The following NCOA3 variants were observed in gnomAD, a reference collection of about 807,000 sequenced individuals.
NCOA3 encodes the protein nuclear receptor coactivator 3.
A neutral mutation model predicts 158.8 loss-of-function variants in NCOA3; 51 were observed. The ratio of observed to expected loss-of-function variants is 0.32; its 90% CI spans 0.26 to 0.41. NCOA3 has a LOEUF of 0.41. NCOA3 is among the 10% of genes least tolerant of loss of function. NCOA3 has a pLI of 1.00. For synonymous variants in NCOA3, 537 were observed against 592.4 expected (o/e 0.91, Z 1.36); for missense variants, 1,510 against 1,746.6 (o/e 0.86, Z 2.41).
At chr20:47,611,404 T>C (rs569403180) in intron 2 of NCOA3, among the ~76,000 whole-genome samples, 1 of 152,224 alleles carries the variant, frequency 6.6e-6, no homozygotes, top group Non-Finnish European at 1.5e-5. Flanking sequence ...CAAACTTAGG[T>C]ATAAGTACTA....
At chr20:47,524,618 G>A (rs1279633273) in intron 1 of NCOA3, among the ~76,000 whole-genome samples, 2 of 152,220 alleles carry the variant, frequency 1.3e-5, no homozygotes, top group African/African-American at 4.8e-5. Context: ...GACAAGTGAA[G>A]GGAGAAGACA....
rs2084576611 is a variant in NCOA3 at position 47,533,264 on chromosome 20, G to A, written c.-99+31245G>A. Among the ~76,000 whole-genome samples the A allele has an allele frequency of 1.6e-5, 2 of 127,264 alleles. 1 individual carries two copies. The highest frequency in any genetic ancestry group is 5.1e-4 in the South Asian group (2 of 3,884). The allele number at this position is 127,264 out of a possible 152,430, so 83.5% of individuals were successfully genotyped here. A position where few individuals can be genotyped will look rare whatever the true frequency, so the allele number is the denominator to read the frequency against. On this transcript the variant is annotated intron_variant, in intron 1 of 22. Coordinates refer to ENST00000371998, the MANE Select transcript of NCOA3 (RefSeq NM_181659.3). ...CACACCACTGCATTCCAGTCTAGGT[G>A]ACAGAGCCAGGTTCCGTCTCAAAAA...
intron 18 of NCOA3, 39 bp downstream of exon 18, chr20:47,647,405 T>C: frequency 6.3e-7 from 1 of 1,582,856 alleles, no homozygotes; most frequent in Non-Finnish European, 8.6e-7. Context: ...CTTCTCCTTC[T>C]GTTGTTTTCA....
chr20:47,619,869 C>T (rs1000372150), intron 2 of NCOA3, among the ~76,000 whole-genome samples: 4 of 151,954 alleles, frequency 2.6e-5, no homozygotes, highest in African/African-American at 9.7e-5. Flanking sequence ...GATCTCAGCT[C>T]ACTGCAACCT....
At chr20:47,506,582 G>C (rs1412392617) in intron 1 of NCOA3, among the ~76,000 whole-genome samples, 2 of 152,196 alleles carry the variant, frequency 1.3e-5, no homozygotes, top group Admixed American at 1.3e-4. Context: ...TCAGTTTACA[G>C]TGGGGGGCAG....
chr20:47,634,522 G>A (rs1428667566), intron 10 of NCOA3, among the ~76,000 whole-genome samples: 4 of 152,026 alleles, frequency 2.6e-5, no homozygotes, highest in African/African-American at 9.7e-5. Flanking sequence ...AAAATTTGAG[G>A]GTAAACTTCA....
intron 1 of NCOA3, among the ~76,000 whole-genome samples, chr20:47,525,606 CG>C: frequency 7.8e-6 from 1 of 128,984 alleles, no homozygotes; most frequent in South Asian, 2.5e-4. Flanking sequence ...GCTGGCCGGG[CG>C]GGGGGCTGAC....
intron 16 of NCOA3, among the ~76,000 whole-genome samples, chr20:47,640,479 A>G (rs2086585929): frequency 6.6e-6 from 1 of 152,210 alleles, no homozygotes; most frequent in African/African-American, 2.4e-5. Flanking sequence ...CCTGCTGCCT[A>G]TTGAGAAAAT....
At chr20:47,535,978 C>G (rs73910876) in intron 1 of NCOA3, among the ~76,000 whole-genome samples, 4,080 of 152,130 alleles carry the variant, frequency 0.027, 221 homozygotes, top group African/African-American at 0.094. Flanking sequence ...AGATGGCTGG[C>G]TGGCGCTGCT....
chr20:47,510,887 G>A (rs1224419092), intron 1 of NCOA3, among the ~76,000 whole-genome samples: 2 of 152,030 alleles, frequency 1.3e-5, no homozygotes, highest in Non-Finnish European at 2.9e-5. Context: ...CCAGTATAGT[G>A]AGTTTTCTTA....
intron 1 of NCOA3, among the ~76,000 whole-genome samples, chr20:47,569,827 G>A (rs535943068): frequency 1.4e-3 from 212 of 152,022 alleles, no homozygotes; most frequent in African/African-American, 5.0e-3. Context: ...TGGCTAACAC[G>A]GTGAAACCCC....
chr20:47,583,977 GA>G (rs2085493763), intron 2 of NCOA3, among the ~76,000 whole-genome samples: 1 of 151,930 alleles, frequency 6.6e-6, no homozygotes, highest in South Asian at 2.1e-4. Flanking sequence ...AAAAGAAATA[GA>G]AAAAAGGAGA....
chr20:47,646,436 G>A (rs2086687155), intron 17 of NCOA3, among the ~76,000 whole-genome samples: 1 of 152,168 alleles, frequency 6.6e-6, no homozygotes, highest in African/African-American at 2.4e-5. Context: ...GGGAAGGGCT[G>A]TTGGGAATCA....
intron 1 of NCOA3, among the ~76,000 whole-genome samples, chr20:47,573,911 A>AT (rs2085334157): frequency 1.3e-5 from 2 of 152,148 alleles, no homozygotes; most frequent in South Asian, 4.1e-4. Context: ...CACATACAGA[A>AT]TGCTCCGTGG....
chr20:47,582,141 C>T (rs1240114732), intron 1 of NCOA3, among the ~76,000 whole-genome samples: 1 of 152,098 alleles, frequency 6.6e-6, no homozygotes, highest in African/African-American at 2.4e-5. Flanking sequence ...TTGCATTATC[C>T]ATTTTTACAA....
chr20:47,530,326 T>C (rs2084524153), intron 1 of NCOA3, among the ~76,000 whole-genome samples: 1 of 152,194 alleles, frequency 6.6e-6, no homozygotes, highest in Non-Finnish European at 1.5e-5. Flanking sequence ...TACAGGGTTT[T>C]ATACATACAG....
chr20:47,651,347 T>C, intron 20 of NCOA3, 71 bp downstream of exon 20: 1 of 1,525,472 alleles, frequency 6.6e-7, no homozygotes, highest in South Asian at 1.3e-5. Context: ...ATTACATTTA[T>C]TGCACATGAA....
At position 47,647,270 on chromosome 20, in the gene NCOA3, C is replaced by T. The variant is rs372761561; in HGVS notation, c.3450C>T (p.Leu1150=). ...TGAACCAGCAAGGCAATTTTCCTCT[C>T]CAAGGAATGCACCCACGAGCCAACA... The part of the protein sequence containing the change: ...NQMNQQGNFP[L]QGMHPRANIM... Residue 1150 remains leucine (L), a synonymous_variant, in exon 18 of 23, where the codon CTC becomes CTT. Coordinates refer to ENST00000371998, the MANE Select transcript of NCOA3 (RefSeq NM_181659.3). 1.8e-5 allele frequency: 29 copies of T among 1,614,018 alleles called. No homozygotes were observed. The African/African-American group carries it at 3.2e-4, about 18-fold the overall frequency.
At chr20:47,533,167 C>T (rs1206877) in intron 1 of NCOA3, among the ~76,000 whole-genome samples, 3,377 of 147,068 alleles carry the variant, frequency 0.023, 132 homozygotes, top group African/African-American at 0.08. Flanking sequence ...CCTCTGTAAT[C>T]CCAGCTACTC....
Sources: allele counts gnomAD v4.1 joint callset (sites outside exome capture counted in the v4.1 genomes callset), GRCh38; gene constraint gnomAD v4.1.1; transcripts MANE v1.5; gene names NCBI Gene and HGNC (gene_info 2026-07-23, HGNC 2026-07-21).